MGAT4B: variants seen among roughly 807,000 people sequenced by gnomAD.
MGAT4B encodes the protein alpha-1,3-mannosyl-glycoprotein 4-beta-N-acetylglucosaminyltransferase B.
MGAT4B carries 38 observed loss-of-function variants against 73.9 expected under a neutral mutation model. The ratio of observed to expected loss-of-function variants is 0.51; its 90% CI spans 0.40 to 0.67. The LOEUF (loss-of-function observed/expected upper bound fraction) is 0.67, where lower values mean the gene tolerates loss of function less well. Ranked by LOEUF, MGAT4B falls within the 30% of genes least tolerant of loss-of-function variation. MGAT4B has a pLI of 0.00. For missense variants in MGAT4B, 686 were observed against 735.2 expected, an observed-to-expected ratio of 0.93 and a Z score of 0.77; for synonymous variants, 373 against 313.5, an observed-to-expected ratio of 1.19 and a Z score of -2.01.
At position 179,801,200 on chromosome 5, in the gene MGAT4B, ATC is replaced by A; in HGVS notation, c.558+132_558+133del. On this transcript the variant is annotated intron_variant, in intron 4 of 14. Transcript: ENST00000292591. This position sits in a 1 kb window ranked among gnomAD's most constrained non-coding sequence, Gnocchi z 4.8. ...TGCCAGAAAGCCCTTTCAACTTTCT[ATC>A]TCGGAGCATTTGCGAATGAAACTAG... 1 of 1,344,180 alleles carries A rather than the reference ATC, an allele frequency of 7.4e-7. No individual in the cohort carries two copies. Among genetic ancestry groups the A allele is most frequent in the Non-Finnish European group, 1.0e-6 (1 of 1,004,200 alleles). 83.3% of individuals were successfully genotyped at this position (1,344,180 alleles called of 1,614,324 possible). A position where few individuals can be genotyped will look rare whatever the true frequency, so the allele number is the denominator to read the frequency against.
At chr5:179,798,482 C>A in intron 12 of MGAT4B, 31 bp downstream of exon 12, 1 of 1,613,326 alleles carries the variant, frequency 6.2e-7, no homozygotes, top group Non-Finnish European at 8.5e-7. Context: ...GGAGGCCCGG[C>A]TTCAGTGCAC....
chr5:179,799,620 C>CG lies in MGAT4B; in HGVS notation c.926dup (p.Leu310AlafsTer42). On this transcript the variant is annotated frameshift_variant, in exon 9 of 15. Coordinates refer to ENST00000292591, the MANE Select transcript of MGAT4B (RefSeq NM_014275.5). LOFTEE classifies it high-confidence loss of function. ...ACTCTACAATCAGGCTCAGGTCCAG[C>CG]GACTTGAACATCTTACCTGGTGGGG... 6.2e-7 allele frequency: 1 copy of CG among 1,613,748 alleles called. No individual in the cohort carries two copies. Among genetic ancestry groups the CG allele is most frequent in the Non-Finnish European group, 8.5e-7 (1 of 1,180,022 alleles).
At chr5:179,804,499 G>A (rs1757062325) in intron 1 of MGAT4B, among the ~76,000 whole-genome samples, 1 of 152,236 alleles carries the variant, frequency 6.6e-6, no homozygotes, top group African/African-American at 2.4e-5. Flanking sequence ...TTTGAGCGCT[G>A]GCAGAGCTGC....
chr5:179,800,151 G>A (rs1257922078), intron 7 of MGAT4B, 33 bp downstream of exon 7: 2 of 1,612,676 alleles, frequency 1.2e-6, no homozygotes, highest in South Asian at 1.1e-5. Flanking sequence ...GCGGCGCAGG[G>A]CAGGGCAGGG....
chr5:179,799,770 C>G, intron 8 of MGAT4B, 134 bp from the exon 9 acceptor site: 2 of 1,397,596 alleles, frequency 1.4e-6, no homozygotes, highest in Non-Finnish European at 1.0e-6. Context: ...GGGAGGCAGA[C>G]AGGTGATGAG....
At position 179,801,120 on chromosome 5, in the gene MGAT4B, G is replaced by T; in HGVS notation, c.559-167C>A. ...CCCAGAGACGGCCCTTTCCCTTTGG[G>T]ACTCGCATGGCCAAGGACTAGGGGG... On this transcript the variant is annotated intron_variant, in intron 4 of 14. Transcript: ENST00000292591. This position sits in a 1 kb window ranked among gnomAD's most constrained non-coding sequence, Gnocchi z 4.8. 1.8e-6 allele frequency: 2 copies of T among 1,131,028 alleles called. No homozygotes were observed. The highest frequency in any genetic ancestry group is 2.5e-6 in the Non-Finnish European group (2 of 803,706). 70.1% of individuals were successfully genotyped at this position (1,131,028 alleles called of 1,614,324 possible).
In MGAT4B at chr5:179,801,560, T is replaced by C; in HGVS notation, c.418A>G (p.Thr140Ala). The C allele has an allele frequency of 6.2e-7, 1 of 1,608,732 alleles. No homozygotes were observed. Residue 140 changes from threonine to alanine, a missense_variant, in exon 3 of 15, where the codon ACC becomes GCC. By Grantham distance (58) the Thr-to-Ala change is moderately conservative. This residue lies in a region of MGAT4B where 237 missense variants were observed against 198.5 expected (regional missense o/e 1.19). Coordinates refer to ENST00000292591, the MANE Select transcript of MGAT4B (RefSeq NM_014275.5). The surrounding 1 kb of genome is among the most constrained non-coding windows in gnomAD (Gnocchi z 4.8). Reference sequence around the variant, plus strand: ...TCCCTGTCTGCGCCCATACCTCCGGTGCGGCCCTGGCCCACGCGCACCGCG... The same window carrying C: ...TCCCTGTCTGCGCCCATACCTCCGGCGCGGCCCTGGCCCACGCGCACCGCG... ...QPAVRVGQGR[T>A]GVSVVMGIPS...
Position 179,801,354 on chromosome 5 carries a change from T to C in MGAT4B, c.538A>G (p.Ile180Val), listed in dbSNP as rs1562614714. 1.2e-6 allele frequency: 2 copies of C among 1,611,966 alleles called. No homozygotes were observed. The highest frequency in any genetic ancestry group is 2.2e-5 in the East Asian group (1 of 44,802). Residue 180 changes from isoleucine to valine, a missense_variant, in exon 4 of 15, where the codon ATC (isoleucine) becomes GTC (valine). Ile to Val is a conservative substitution (Grantham distance 29). This residue lies in a region of MGAT4B where 449 missense variants were observed against 536.8 expected (regional missense o/e 0.84). Transcript: ENST00000292591. The surrounding 1 kb of genome is among the most constrained non-coding windows in gnomAD (Gnocchi z 4.8). Reference sequence around the variant, plus strand: ...CTCGCCTCGGCGATCAGCACCACGATGACCGAGTCCTCCTTCTCCTGCGGG... The same window carrying C: ...CTCGCCTCGGCGATCAGCACCACGACGACCGAGTCCTCCTTCTCCTGCGGG... ...LSPQEKEDSV[I>V]VVLIAETDSQ...
intron 1 of MGAT4B, chr5:179,802,333 C>T (rs775568398): frequency 8.6e-5 from 116 of 1,349,428 alleles, no homozygotes; most frequent in Non-Finnish European, 1.1e-4. Context: ...CCAAAGCCCA[C>T]TCTTGCTTTT....
At chr5:179,803,154 G>A (rs1581979555) in intron 1 of MGAT4B, 16 of 985,618 alleles carry the variant, frequency 1.6e-5, no homozygotes, top group African/African-American at 1.0e-4. Flanking sequence ...ACCTGGGCAG[G>A]AGGGAAAGGT....
intron 5 of MGAT4B, 106 bp downstream of exon 5, chr5:179,800,801 C>T: frequency 1.5e-6 from 2 of 1,334,722 alleles, no homozygotes; most frequent in South Asian, 1.2e-5. Context: ...CCTGCCTCCC[C>T]ACGAGATAGG....
chr5:179,799,197 G>A lies in MGAT4B; in HGVS notation c.1149+6C>T. 2 of 1,613,958 alleles carry A rather than the reference G, an allele frequency of 1.2e-6. No homozygotes were observed. The highest frequency in any genetic ancestry group is 8.5e-7 in the Non-Finnish European group (1 of 1,180,008). On this transcript the variant is annotated splice_donor_region_variant and intron_variant, in intron 10 of 14. Coordinates refer to ENST00000292591, the MANE Select transcript of MGAT4B (RefSeq NM_014275.5). ...CGGCCTAGGGAGAGCGTGCAGTGCA[G>A]CCCACCTTCAGTTTCTGGATCTTGC...
intron 1 of MGAT4B, among the ~76,000 whole-genome samples, chr5:179,805,857 C>T (rs1757128956): frequency 6.6e-6 from 1 of 152,160 alleles, no homozygotes; most frequent in African/African-American, 2.4e-5. Context: ...GCACCCTCCG[C>T]CTGCAAGAGC....
At chr5:179,800,742 C>G in intron 5 of MGAT4B, 145 bp from the exon 6 acceptor site, 2 of 992,146 alleles carry the variant, frequency 2.0e-6, no homozygotes, top group Non-Finnish European at 3.0e-6. Context: ...TAGCAGAGCT[C>G]CAGAGGGGCT....
chr5:179,798,833 A>G (rs994973301), intron 11 of MGAT4B, 95 bp downstream of exon 11: 10 of 1,446,624 alleles, frequency 6.9e-6, no homozygotes, highest in South Asian at 1.2e-5. Flanking sequence ...CAGATGCGGA[A>G]ACTGAAGAAC....
chr5:179,799,426 C>G (rs907039489), intron 9 of MGAT4B, 80 bp downstream of exon 9: 313 of 1,608,854 alleles, frequency 1.9e-4, no homozygotes, highest in Non-Finnish European at 2.6e-4. Flanking sequence ...TGAGCAGATG[C>G]AAGGACAGGG....
In MGAT4B at chr5:179,797,944, T is replaced by C; in HGVS notation, c.*101A>G. The C allele has an allele frequency of 6.7e-7, 1 of 1,485,446 alleles. No homozygotes were observed. The highest frequency in any genetic ancestry group is 9.2e-7 in the Non-Finnish European group (1 of 1,089,856). 92.0% of individuals were successfully genotyped at this position (1,485,446 alleles called of 1,614,324 possible). Reference sequence around the variant, plus strand: ...CAAGCCCGACGCCAGGCAGAACCCTTTGGGCGGGGCCGTATCTGGCCCTCC... The same window carrying C: ...CAAGCCCGACGCCAGGCAGAACCCTCTGGGCGGGGCCGTATCTGGCCCTCC... On this transcript the variant is annotated 3_prime_UTR_variant, in exon 15 of 15. Coordinates refer to ENST00000292591, the MANE Select transcript of MGAT4B (RefSeq NM_014275.5).
In MGAT4B at chr5:179,799,437, A is replaced by T. The variant is rs1756808391; in HGVS notation, c.1041+69T>A. 2.5e-6 allele frequency: 4 copies of T among 1,610,278 alleles called. No homozygotes were observed. The South Asian group carries it at 3.3e-5, about 13-fold the overall frequency. On this transcript the variant is annotated intron_variant, in intron 9 of 14. Transcript: ENST00000292591. The stretch of plus-strand genomic sequence containing the variant: ...TATGTGAGCAGATGCAAGGACAGGG[A>T]CACAGTTTGGGGTGGAGGCTGCCTG...
Position 179,806,676 on chromosome 5 carries a change from G to A in MGAT4B, c.-93C>T. ...GCAGGGGTCGGAAGGCGGCGGCGGC[G>A]GCGGCAGGGGCCCCGGCCCCGGGTC... On this transcript the variant is annotated 5_prime_UTR_variant, in exon 1 of 15. Coordinates refer to ENST00000292591, the MANE Select transcript of MGAT4B (RefSeq NM_014275.5). The surrounding 1 kb of genome is among the most constrained non-coding windows in gnomAD (Gnocchi z 4.6). 2 of 538,574 alleles carry A rather than the reference G, an allele frequency of 3.7e-6. No homozygotes were observed. Among genetic ancestry groups the A allele is most frequent in the Non-Finnish European group, 4.7e-6 (2 of 422,816 alleles). 33.4% of individuals were successfully genotyped at this position (538,574 alleles called of 1,614,324 possible).
Sources: gnomAD v4.1 joint callset for allele counts (sites outside exome capture counted in the v4.1 genomes callset) on GRCh38, gnomAD v4.1.1 for gene constraint, gnomAD v4.1.1 regional missense constraint, Gnocchi (gnomAD v3.1) non-coding constraint, MANE v1.5 for transcripts, NCBI Gene and HGNC (gene_info 2026-07-23, HGNC 2026-07-21) for gene names.